The following TIMP3 variants were observed in gnomAD, a reference collection of about 807,000 sequenced individuals.
TIMP3 encodes TIMP metallopeptidase inhibitor 3.
TIMP3 carries 11 observed loss-of-function variants against 30.0 expected under a neutral mutation model. The ratio of observed to expected loss-of-function variants is 0.37; its 90% CI spans 0.23 to 0.61. The LOEUF (loss-of-function observed/expected upper bound fraction) is 0.61, where lower values mean the gene tolerates loss of function less well. Among genes scored for constraint, TIMP3 ranks in the 20% least tolerant of loss-of-function variants. The pLI is 0.70. For missense variants in TIMP3, 181 were observed against 276.8 expected (o/e 0.65, Z 2.45); for synonymous variants, 112 against 111.3 (o/e 1.01, Z -0.04).
At chr22:32,855,645 C>T (rs573940237) in intron 2 of TIMP3, among the ~76,000 whole-genome samples, 12 of 152,272 alleles carry the variant, frequency 7.9e-5, no homozygotes, top group African/African-American at 2.9e-4. Context: ...ATTTCTCAAC[C>T]TCAGTACCAT....
chr22:32,856,545 T>G (rs1569279443), intron 2 of TIMP3, among the ~76,000 whole-genome samples: 1 of 152,184 alleles, frequency 6.6e-6, no homozygotes, highest in South Asian at 2.1e-4. Flanking sequence ...TGATACATAA[T>G]AAATGGACAT....
intron 1 of TIMP3, among the ~76,000 whole-genome samples, chr22:32,814,317 C>CAA (rs931213375): frequency 1.1e-4 from 5 of 43,694 alleles, no homozygotes; most frequent in Admixed American, 1.1e-3. Context: ...GAGAGAGAGA[C>CAA]AGAAAGAAAG....
chr22:32,853,227 C>A (rs1601544509), intron 2 of TIMP3, among the ~76,000 whole-genome samples: 1 of 152,298 alleles, frequency 6.6e-6, no homozygotes, highest in East Asian at 1.9e-4. Flanking sequence ...CTCATCCAGC[C>A]CTCTGCAGAG....
intron 1 of TIMP3, among the ~76,000 whole-genome samples, chr22:32,810,162 G>A (rs1161780360): frequency 1.3e-5 from 2 of 152,212 alleles, no homozygotes; most frequent in African/African-American, 4.8e-5. Flanking sequence ...TATGTGGGCT[G>A]CAGTGGAACT....
chr22:32,855,846 G>A (rs747139562), intron 2 of TIMP3, among the ~76,000 whole-genome samples: 9 of 152,140 alleles, frequency 5.9e-5, no homozygotes, highest in South Asian at 2.1e-4. Context: ...AGATTATGTC[G>A]TAGATACAAA....
intron 1 of TIMP3, among the ~76,000 whole-genome samples, chr22:32,817,959 G>A (rs767829792): frequency 3.3e-5 from 5 of 152,128 alleles, no homozygotes; most frequent in African/African-American, 9.7e-5. Flanking sequence ...TCATTTTACC[G>A]ATAGGAGCAC....
chr22:32,851,946 G>A (rs955633068), intron 2 of TIMP3, among the ~76,000 whole-genome samples: 5 of 152,102 alleles, frequency 3.3e-5, no homozygotes, highest in South Asian at 2.1e-4. Flanking sequence ...CCATCCTCTC[G>A]TGCTTCCTTC....
chr22:32,820,458 C>T (rs77446115), intron 1 of TIMP3, among the ~76,000 whole-genome samples: 1,789 of 152,084 alleles, frequency 0.012, 38 homozygotes, highest in African/African-American at 0.04. Context: ...CACCTAGGGG[C>T]CTGGAAAACC....
intron 1 of TIMP3, among the ~76,000 whole-genome samples, chr22:32,832,863 G>C (rs2047618029): frequency 1.3e-5 from 2 of 151,962 alleles, no homozygotes; most frequent in South Asian, 4.2e-4. Context: ...AAGTAGCTGG[G>C]ACTACAGGTA....
chr22:32,806,633 G>A (rs1205086495), intron 1 of TIMP3, among the ~76,000 whole-genome samples: 3 of 152,112 alleles, frequency 2.0e-5, no homozygotes, highest in Non-Finnish European at 2.9e-5. Context: ...TTGAGCTTTA[G>A]TTTTCTTATT....
At chr22:32,852,399 C>T (rs532124406) in intron 2 of TIMP3, among the ~76,000 whole-genome samples, 2 of 152,244 alleles carry the variant, frequency 1.3e-5, no homozygotes, top group South Asian at 4.2e-4. Context: ...CAGTGTAGGG[C>T]TGGACTTGTA....
chr22:32,822,892 G>C (rs1333999828), intron 1 of TIMP3, among the ~76,000 whole-genome samples: 1 of 150,088 alleles, frequency 6.7e-6, no homozygotes. Context: ...TTGAGTAACA[G>C]AAGCCAATTT....
At chr22:32,852,476 G>C (rs905677463) in intron 2 of TIMP3, among the ~76,000 whole-genome samples, 2 of 152,306 alleles carry the variant, frequency 1.3e-5, no homozygotes, top group East Asian at 3.9e-4. Flanking sequence ...AGAGAGGCAA[G>C]CCTGCATGAG....
At chr22:32,841,488 C>T (rs1046218305) in intron 1 of TIMP3, among the ~76,000 whole-genome samples, 5 of 152,214 alleles carry the variant, frequency 3.3e-5, no homozygotes, top group African/African-American at 4.8e-5. Context: ...GAGTGAGCTA[C>T]AATTTCCTGA....
At chr22:32,825,978 G>C (rs2047399658) in intron 1 of TIMP3, among the ~76,000 whole-genome samples, 1 of 152,164 alleles carries the variant, frequency 6.6e-6, no homozygotes, top group Non-Finnish European at 1.5e-5. Flanking sequence ...TAGTAGCATA[G>C]GGAAAAGTCT....
intron 1 of TIMP3, among the ~76,000 whole-genome samples, chr22:32,831,173 G>A (rs1048463780): frequency 6.6e-6 from 1 of 152,160 alleles, no homozygotes; most frequent in Non-Finnish European, 1.5e-5. Flanking sequence ...CTTCAGGAGG[G>A]TGTGGGAGCC....
In TIMP3 at chr22:32,807,347, AAATATATAATATAT is replaced by A. The variant is rs1430410901; in HGVS notation, c.121+5234_121+5247del. Among the ~76,000 whole-genome samples, 29 of 34,118 alleles carry A rather than the reference AAATATATAATATAT, an allele frequency of 8.5e-4. 1 individual carries two copies. The highest frequency in any genetic ancestry group is 7.1e-3 in the East Asian group (3 of 424). The allele number at this position is 34,118 out of a possible 152,430, so 22.4% of individuals were successfully genotyped here. A position where few individuals can be genotyped will look rare whatever the true frequency, so the allele number is the denominator to read the frequency against. ...AATATATAATTTATATATAATATATAAATATATAATATATAATATATATTATATATAATATATAT... is the reference window on the plus strand; with the variant it reads ...AATATATAATTTATATATAATATATAAATATATATTATATATAATATATAT... On this transcript the variant is annotated intron_variant, in intron 1 of 4. Transcript: ENST00000266085.
At chr22:32,828,631 C>T (rs1008248695) in intron 1 of TIMP3, among the ~76,000 whole-genome samples, 2 of 152,200 alleles carry the variant, frequency 1.3e-5, no homozygotes, top group Admixed American at 1.3e-4. Context: ...CAGGAAGTGA[C>T]CTGCCTGATG....
intron 1 of TIMP3, among the ~76,000 whole-genome samples, chr22:32,845,342 G>A (rs773421772): frequency 8.6e-5 from 13 of 151,980 alleles, no homozygotes; most frequent in Admixed American, 2.0e-4. Flanking sequence ...GACTACAGGC[G>A]GCCCCATGCC....
Sources: gnomAD v4.1 joint callset for allele counts (sites outside exome capture counted in the v4.1 genomes callset) on GRCh38, gnomAD v4.1.1 for gene constraint, MANE v1.5 for transcripts, NCBI Gene and HGNC (gene_info 2026-07-23, HGNC 2026-07-21) for gene names.